Variants in LGMN observed in about 807,000 individuals in gnomAD.
LGMN encodes the protein asparaginyl endopeptidase.
In LGMN, 36 loss-of-function variants were observed where a neutral mutation model predicts 56.8. That is an observed-to-expected ratio of 0.63 (90% CI 0.49 to 0.84). LGMN has a LOEUF of 0.84. Among genes scored for constraint, LGMN ranks in the 40% least tolerant of loss-of-function variants. The pLI is 0.00. For synonymous variants in LGMN, 199 were observed against 210.1 expected, an observed-to-expected ratio of 0.95 and a Z score of 0.46; for missense variants, 446 against 556.1, an observed-to-expected ratio of 0.80 and a Z score of 1.99.
intron 2 of LGMN, among the ~76,000 whole-genome samples, chr14:92,732,037 G>C (rs920711246): frequency 5.3e-5 from 8 of 151,642 alleles, no homozygotes; most frequent in Non-Finnish European, 1.0e-4. Context: ...AGAGCAGTAG[G>C]GCAGAGAGGC....
intron 11 of LGMN, 148 bp from the exon 12 acceptor site, chr14:92,706,801 G>A (rs747796909): frequency 5.9e-5 from 39 of 660,376 alleles, no homozygotes; most frequent in Non-Finnish European, 8.3e-5. Flanking sequence ...AATGTGCTCC[G>A]AGAAAGGCGA....
At chr14:92,704,775 A>G (rs1889342333) in intron 12 of LGMN, 68 bp from the exon 13 acceptor site, 1 of 1,276,896 alleles carries the variant, frequency 7.8e-7, no homozygotes, top group Non-Finnish European at 1.1e-6. Context: ...CACTTTTGCA[A>G]TTGCAGAGGG....
At position 92,716,260 on chromosome 14, in the gene LGMN, G is replaced by A. The variant is rs370001435; in HGVS notation, c.319-39C>T. 2.4e-5 allele frequency: 35 copies of A among 1,456,056 alleles called. No homozygotes were observed. In the East Asian group the frequency reaches 5.2e-4, roughly 22 times the overall value. The allele number at this position is 1,456,056 out of a possible 1,614,324, so 90.2% of individuals were successfully genotyped here. On this transcript the variant is annotated intron_variant, in intron 4 of 13. Coordinates refer to ENST00000334869, the MANE Select transcript of LGMN (RefSeq NM_005606.7). ...GGAGCCACAATCAGATGCAGCTGTC[G>A]CTCCAACCCAGAGAGTTGGCTGAGT... is the stretch of plus-strand genomic sequence containing the variant.
rs1009935429 is a variant in LGMN at position 92,714,947 on chromosome 14, C to T, written c.405-496G>A. On this transcript the variant is annotated intron_variant, in intron 5 of 13. Transcript: ENST00000334869. This position sits in a 1 kb window ranked among gnomAD's most constrained non-coding sequence, Gnocchi z 5.1. ...AAAGTGGCAGAGATGTAGTAACTTA[C>T]ATGAAGCCAATTTGGTTCACCCTCA... 2.0e-5 allele frequency among the ~76,000 whole-genome samples: 3 copies of T among 151,776 alleles called. No homozygotes were observed. The highest frequency in any genetic ancestry group is 2.9e-5 in the Non-Finnish European group (2 of 67,972).
At chr14:92,740,598 C>G (rs974430381) in intron 1 of LGMN, among the ~76,000 whole-genome samples, 2 of 152,178 alleles carry the variant, frequency 1.3e-5, no homozygotes, top group Non-Finnish European at 2.9e-5. Flanking sequence ...GGCACTGCAC[C>G]CTGCACCCCA....
intron 1 of LGMN, among the ~76,000 whole-genome samples, chr14:92,743,971 T>C (rs1246733286): frequency 6.6e-6 from 1 of 150,676 alleles, no homozygotes; most frequent in Non-Finnish European, 1.5e-5. Flanking sequence ...CTGGCGAACA[T>C]GGTGAAACCC....
intron 1 of LGMN, among the ~76,000 whole-genome samples, chr14:92,733,201 T>C (rs950335888): frequency 1.4e-5 from 2 of 147,234 alleles, no homozygotes; most frequent in African/African-American, 5.0e-5. Context: ...TAAGAAAATA[T>C]CATAGTAAAT....
At chr14:92,709,899 CGAGAGAGAAAGCGAGAGAGAGT>C in intron 10 of LGMN, 27 bp from the exon 11 acceptor site, 1 of 1,542,880 alleles carries the variant, frequency 6.5e-7, no homozygotes, top group Middle Eastern at 1.8e-4. Context: ...CAAGAGAGAG[CGAGAGAGAAAGCGAGAGAGAGT>C]GAGAGAAGGC....
chr14:92,747,110 A>G (rs915482167), intron 1 of LGMN, among the ~76,000 whole-genome samples: 1 of 151,818 alleles, frequency 6.6e-6, no homozygotes, highest in Non-Finnish European at 1.5e-5. Flanking sequence ...ACTCCAGTGC[A>G]AAAAGCATTG....
chr14:92,716,055 A>G, intron 5 of LGMN, 81 bp downstream of exon 5: 1 of 929,642 alleles, frequency 1.1e-6, no homozygotes, highest in Non-Finnish European at 1.7e-6. Flanking sequence ...GGCTAGGGGC[A>G]CAGAACAACA....
chr14:92,747,388 G>A (rs1891867507), intron 1 of LGMN, among the ~76,000 whole-genome samples: 1 of 152,146 alleles, frequency 6.6e-6, no homozygotes, highest in African/African-American at 2.4e-5. Flanking sequence ...AACTCGGGAG[G>A]CTGAGACAGA....
At chr14:92,735,946 G>T (rs891191013) in intron 1 of LGMN, among the ~76,000 whole-genome samples, 6 of 152,130 alleles carry the variant, frequency 3.9e-5, no homozygotes, top group African/African-American at 1.2e-4. Context: ...CCTGACAAGG[G>T]CTCGCTGTGG....
rs750400126 is a variant in LGMN, at chr14:92,712,821, C to T, written c.594G>A (p.Leu198=). ...ACESGSMMNH[L]PDNINVYATT... ...ACCACCTACCATTGATGTTATCCGGCAGGTGGTTCATCATGGACCCAGACT... is the reference window on the plus strand; with the variant it reads ...ACCACCTACCATTGATGTTATCCGGTAGGTGGTTCATCATGGACCCAGACT... Residue 198 remains leucine (L), a synonymous_variant, in exon 8 of 14, where the codon CTG becomes CTA. Transcript: ENST00000334869. 2 of 1,613,802 alleles carry T rather than the reference C, an allele frequency of 1.2e-6. No individual in the cohort carries two copies. Among genetic ancestry groups the T allele is most frequent in the Middle Eastern group, 1.6e-4 (1 of 6,084 alleles).
intron 2 of LGMN, among the ~76,000 whole-genome samples, chr14:92,726,378 G>C (rs1422599660): frequency 1.3e-5 from 2 of 151,974 alleles, no homozygotes; most frequent in African/African-American, 4.8e-5. Context: ...CTTTGGCCCC[G>C]CCAGCCTCGA....
intron 2 of LGMN, among the ~76,000 whole-genome samples, chr14:92,723,675 T>C (rs117241099): frequency 2.0e-3 from 305 of 152,116 alleles, no homozygotes; most frequent in Non-Finnish European, 3.6e-3. Flanking sequence ...TCTATAGAGA[T>C]AGAAAGTAGA....
At chr14:92,705,370 C>T (rs1026350560) in intron 12 of LGMN, among the ~76,000 whole-genome samples, 3 of 151,968 alleles carry the variant, frequency 2.0e-5, no homozygotes, top group African/African-American at 4.8e-5. Context: ...GGTGTGGTGG[C>T]GCGTGCCTGT....
intron 1 of LGMN, among the ~76,000 whole-genome samples, chr14:92,737,434 C>G (rs549018144): frequency 1.9e-4 from 29 of 152,158 alleles, no homozygotes; most frequent in Non-Finnish European, 3.8e-4. Context: ...AGATACTAGT[C>G]AAAAAGCATG....
intron 2 of LGMN, among the ~76,000 whole-genome samples, chr14:92,723,172 G>T (rs1051161983): frequency 5.3e-5 from 8 of 151,924 alleles, no homozygotes; most frequent in Non-Finnish European, 1.0e-4. Flanking sequence ...TCAGCCTCCT[G>T]AGTAGCTGGG....
chr14:92,746,240 GA>G (rs1439099841), intron 1 of LGMN, among the ~76,000 whole-genome samples: 1 of 152,272 alleles, frequency 6.6e-6, no homozygotes, highest in Non-Finnish European at 1.5e-5. Context: ...TGGATTACAA[GA>G]AAATTTGAGT....
Sources: gnomAD v4.1 joint callset for allele counts (sites outside exome capture counted in the v4.1 genomes callset) on GRCh38, gnomAD v4.1.1 for gene constraint, Gnocchi (gnomAD v3.1) non-coding constraint, MANE v1.5 for transcripts, NCBI Gene and HGNC (gene_info 2026-07-23, HGNC 2026-07-21) for gene names.